The following NCKAP1L variants were observed in gnomAD, a reference collection of about 807,000 sequenced individuals.
NCKAP1L encodes the protein nck-associated protein 1-like.
A neutral mutation model predicts 139.2 loss-of-function variants in NCKAP1L; 53 were observed. The observed-to-expected ratio is 0.38, with a 90% confidence interval of 0.31 to 0.48. The LOEUF is 0.48. NCKAP1L is among the 20% of genes least tolerant of loss of function. NCKAP1L has a pLI of 0.98. For missense variants in NCKAP1L, 1,151 were observed against 1,381.9 expected (o/e 0.83, Z 2.65); for synonymous variants, 468 against 499.7 (o/e 0.94, Z 0.85).
chr12:54,524,678 T>C (rs757904447), intron 20 of NCKAP1L, among the ~76,000 whole-genome samples: 4 of 152,152 alleles, frequency 2.6e-5, no homozygotes, highest in Non-Finnish European at 5.9e-5. Context: ...TACAGCAATA[T>C]ACGAAACAAA....
intron 22 of NCKAP1L, among the ~76,000 whole-genome samples, chr12:54,529,166 T>A (rs1957048678): frequency 6.6e-6 from 1 of 152,214 alleles, no homozygotes. Context: ...GGAACTTGCC[T>A]AAGTCCACAC....
At chr12:54,522,381 C>T (rs1956990942) in intron 18 of NCKAP1L, among the ~76,000 whole-genome samples, 2 of 152,216 alleles carry the variant, frequency 1.3e-5, no homozygotes, top group East Asian at 1.9e-4. Context: ...TCTGTGCTGT[C>T]GTCTCAGGGA....
intron 2 of NCKAP1L, 106 bp from the exon 3 acceptor site, chr12:54,500,427 A>T: frequency 1.2e-6 from 1 of 809,638 alleles, no homozygotes; most frequent in Non-Finnish European, 2.1e-6. Flanking sequence ...CCCGGCCTCA[A>T]CCCTCTTTAA....
intron 30 of NCKAP1L, 130 bp from the exon 31 acceptor site, chr12:54,542,445 T>G: frequency 1.5e-6 from 1 of 687,980 alleles, no homozygotes; most frequent in South Asian, 1.8e-5. Flanking sequence ...AAGAGGGGGG[T>G]GTGATTTGGA....
rs1054031159 is a variant in NCKAP1L at position 54,516,138 on chromosome 12, C to T, written c.942-101C>T. ...CCTGCCTGTGAGGGCTGCCCATGCT[C>T]CCACCAGGGTATAGGCTGGACTCTC... On this transcript the variant is annotated intron_variant, in intron 9 of 30. Coordinates refer to ENST00000293373, the MANE Select transcript of NCKAP1L (RefSeq NM_005337.5). 5.8e-6 allele frequency: 7 copies of T among 1,214,136 alleles called. No homozygotes were observed. The African/African-American group carries it at 8.9e-5, about 16-fold the overall frequency. 75.2% of individuals were successfully genotyped at this position (1,214,136 alleles called of 1,614,324 possible).
rs994936390 is a variant in NCKAP1L, at chr12:54,542,925, A to G, written c.*240A>G. ...ATGGAAAAAGTTAGGGCGTGGGGCC[A>G]CATGTGTGAATTTTACAATGAAAAA... is the stretch of plus-strand genomic sequence containing the variant. On this transcript the variant is annotated 3_prime_UTR_variant, in exon 31 of 31. Transcript: ENST00000293373. 4.3e-5 allele frequency: 19 copies of G among 441,506 alleles called. No homozygotes were observed. Among genetic ancestry groups the G allele is most frequent in the African/African-American group, 3.7e-4 (19 of 50,794 alleles). The allele number at this position is 441,506 out of a possible 1,614,324, so 27.3% of individuals were successfully genotyped here. A position where few individuals can be genotyped will look rare whatever the true frequency, so the allele number is the denominator to read the frequency against.
chr12:54,534,059 A>G (rs1045220619), intron 26 of NCKAP1L, among the ~76,000 whole-genome samples: 1 of 152,204 alleles, frequency 6.6e-6, no homozygotes, highest in Non-Finnish European at 1.5e-5. Flanking sequence ...ATCAATCAAT[A>G]TTTATTGAAT....
At chr12:54,538,328 C>T (rs1440870833) in intron 29 of NCKAP1L, among the ~76,000 whole-genome samples, 1 of 152,214 alleles carries the variant, frequency 6.6e-6, no homozygotes, top group East Asian at 1.9e-4. Context: ...GAATCCCCCA[C>T]CCTTGCCTTC....
chr12:54,541,437 C>T (rs1957157319), intron 30 of NCKAP1L, among the ~76,000 whole-genome samples: 1 of 152,166 alleles, frequency 6.6e-6, no homozygotes, highest in African/African-American at 2.4e-5. Flanking sequence ...TTCCCTGTAC[C>T]TGAGGATAGC....
rs1178277378 is a variant in NCKAP1L, at chr12:54,499,428, A to G, written c.176A>G (p.Asn59Ser). The change falls in exon 2 of 31, where the codon AAC becomes AGC. Residue 59 changes from asparagine (N) to serine (S), a missense_variant. Transcript: ENST00000293373. ...KSMEPSLKYI[N>S]KKFPNIDVRN... ...ATGGAACCATCTCTCAAGTATATCA[A>G]CAAGAAATTTCCCAACATAGATGTC... The G allele has an allele frequency of 2.5e-6, 4 of 1,610,820 alleles. No individual in the cohort carries two copies. The highest frequency in any genetic ancestry group is 4.5e-5 in the East Asian group (2 of 44,856).
chr12:54,497,916 A>G, intron 1 of NCKAP1L, 25 bp downstream of exon 1: 1 of 1,432,364 alleles, frequency 7.0e-7, no homozygotes, highest in Non-Finnish European at 9.9e-7. Context: ...TGGGACTAGT[A>G]CTGATTATTC....
chr12:54,521,354 G>A, intron 18 of NCKAP1L, 116 bp downstream of exon 18: 1 of 1,403,780 alleles, frequency 7.1e-7, no homozygotes, highest in African/African-American at 1.4e-5. Context: ...CTCTGAAGTA[G>A]GGCTAGGGCC....
At position 54,520,758 on chromosome 12, in the gene NCKAP1L, T is replaced by C. The variant is rs1273868299; in HGVS notation, c.1690T>C (p.Tyr564His). The change falls in exon 17 of 31, where the codon TAT (tyrosine) becomes CAT (histidine). Residue 564 changes from tyrosine to histidine, a missense_variant. Transcript: ENST00000293373. The part of the protein sequence containing the change: ...MTLEESAMLR[Y>H]AIAFPLICAH... ...CTTGGAGGAATCTGCCATGTTGCGT[T>C]ATGCCATTGCTTTCCCCCTGATTTG... 1.2e-6 allele frequency: 2 copies of C among 1,614,030 alleles called. No individual in the cohort carries two copies. The highest frequency in any genetic ancestry group is 1.7e-5 in the Admixed American group (1 of 60,004).
chr12:54,511,290 A>C (rs2120901462), intron 7 of NCKAP1L, among the ~76,000 whole-genome samples: 1 of 152,262 alleles, frequency 6.6e-6, no homozygotes, highest in Middle Eastern at 3.4e-3. Context: ...TTATTTTCTC[A>C]ACTGTATTGT....
chr12:54,503,939 C>G (rs1027450230), intron 3 of NCKAP1L, among the ~76,000 whole-genome samples: 2 of 151,890 alleles, frequency 1.3e-5, no homozygotes, highest in Non-Finnish European at 2.9e-5. Context: ...CTGCACCCAG[C>G]CAATAATATA....
chr12:54,528,120 T>C (rs1957041093), intron 21 of NCKAP1L, 127 bp from the exon 22 acceptor site: 2 of 1,135,428 alleles, frequency 1.8e-6, no homozygotes, highest in Admixed American at 4.6e-5. Context: ...CCATCTTCTT[T>C]GAGTTTCTTC....
At chr12:54,523,690 G>A in intron 19 of NCKAP1L, 135 bp from the exon 20 acceptor site, 2 of 1,438,414 alleles carry the variant, frequency 1.4e-6, no homozygotes, top group South Asian at 2.8e-5. Context: ...TTCCTACTTT[G>A]CCTTTGAAGT....
chr12:54,517,525 C>T lies in NCKAP1L; in HGVS notation c.1096-8C>T. ...TGAAAATTCTAATAGTCTCTACCCC[C>T]TCCATAGGCTCTTTTTGCTTTCATG... is the stretch of plus-strand genomic sequence containing the variant. On this transcript the variant is annotated splice_polypyrimidine_tract_variant and splice_region_variant and intron_variant, in intron 11 of 30. Transcript: ENST00000293373. The T allele has an allele frequency of 6.2e-7, 1 of 1,601,512 alleles. No individual in the cohort carries two copies. Among genetic ancestry groups the T allele is most frequent in the Non-Finnish European group, 8.6e-7 (1 of 1,168,580 alleles).
chr12:54,507,246 G>A (rs1428258477), intron 3 of NCKAP1L, among the ~76,000 whole-genome samples: 2 of 152,070 alleles, frequency 1.3e-5, no homozygotes, highest in African/African-American at 4.8e-5. Context: ...TGATGTTGGG[G>A]GAAAGAAGTG....
Sources: gnomAD v4.1 joint callset for allele counts (sites outside exome capture counted in the v4.1 genomes callset) on GRCh38, gnomAD v4.1.1 for gene constraint, MANE v1.5 for transcripts, NCBI Gene and HGNC (gene_info 2026-07-23, HGNC 2026-07-21) for gene names.